CADPS2: variants seen among roughly 807,000 people sequenced by gnomAD.
CADPS2 encodes calcium-dependent secretion activator 2.
CADPS2 carries 93 observed loss-of-function variants against 172.5 expected under a neutral mutation model. The observed-to-expected ratio is 0.54, with a 90% CI of 0.46 to 0.64. CADPS2 has a LOEUF of 0.64. Among genes scored for constraint, CADPS2 ranks in the 30% least tolerant of loss-of-function variants. The probability of loss-of-function intolerance (pLI) is 0.00; values close to 1 mark genes in which losing one functional copy is unlikely to be tolerated. For missense variants in CADPS2, 1,420 were observed against 1,565.9 expected (o/e 0.91, Z 1.57); for synonymous variants, 546 against 555.2 (o/e 0.98, Z 0.23).
In CADPS2 at chr7:122,817,867, C is replaced by T. The variant is rs145007541; in HGVS notation, c.339+68132G>A. Reference sequence around the variant, plus strand: ...ACCCCAATCCCTTATTTCCATGCCCCGACCTCTTATCTCTGCGCCCCAATC... The same window carrying T: ...ACCCCAATCCCTTATTTCCATGCCCTGACCTCTTATCTCTGCGCCCCAATC... On this transcript the variant is annotated intron_variant, in intron 1 of 29. Coordinates refer to ENST00000449022, the MANE Select transcript of CADPS2 (RefSeq NM_017954.11). 7.8e-3 allele frequency among the ~76,000 whole-genome samples: 1,185 copies of T among 151,110 alleles called. 8 individuals are homozygous for T. The highest frequency in any genetic ancestry group is 0.013 in the Non-Finnish European group (874 of 67,808).
chr7:122,321,768 C>T (rs2032593938), intron 29 of CADPS2, among the ~76,000 whole-genome samples: 2 of 152,326 alleles, frequency 1.3e-5, no homozygotes, highest in South Asian at 4.1e-4. Flanking sequence ...GCGTGAGCCA[C>T]AGCACTCAGC....
chr7:122,491,265 T>A, intron 10 of CADPS2, 47 bp downstream of exon 10: 2 of 1,188,234 alleles, frequency 1.7e-6, no homozygotes, highest in Non-Finnish European at 2.4e-6. Context: ...TTATAAGAAT[T>A]CCATGCATAC....
chr7:122,387,326 GC>G (rs1350625185), intron 23 of CADPS2, among the ~76,000 whole-genome samples, 153 bp from the exon 24 acceptor site: 3 of 152,028 alleles, frequency 2.0e-5, no homozygotes, highest in Non-Finnish European at 4.4e-5. Flanking sequence ...GGGGTGGGAT[GC>G]TTTTCTTTTC....
At chr7:122,632,514 G>C (rs2076673166) in intron 3 of CADPS2, among the ~76,000 whole-genome samples, 1 of 152,148 alleles carries the variant, frequency 6.6e-6, no homozygotes, top group South Asian at 2.1e-4. Context: ...CTTTTGAGAA[G>C]TGTCTGATCA....
At chr7:122,728,659 G>A (rs923323819) in intron 2 of CADPS2, among the ~76,000 whole-genome samples, 6 of 151,656 alleles carry the variant, frequency 4.0e-5, no homozygotes, top group African/African-American at 1.5e-4. Context: ...GAAGTACAAC[G>A]GAAGAAATTA....
At chr7:122,482,611 G>C (rs187503546) in intron 11 of CADPS2, among the ~76,000 whole-genome samples, 1 of 152,128 alleles carries the variant, frequency 6.6e-6, no homozygotes, top group Non-Finnish European at 1.5e-5. Flanking sequence ...AACGCTGCAC[G>C]TTGGGCAACG....
At chr7:122,425,076 C>A (rs1563305124) in intron 17 of CADPS2, among the ~76,000 whole-genome samples, 1 of 151,944 alleles carries the variant, frequency 6.6e-6, no homozygotes, top group Admixed American at 6.6e-5. Flanking sequence ...AACCCCCAGG[C>A]CCCAGGCCCA....
At position 122,318,933 on chromosome 7, in the gene CADPS2, A is replaced by AAT. The variant is rs2031832903; in HGVS notation, c.*1230_*1231dup. 1 of 152,226 alleles carries AAT rather than the reference A, an allele frequency of 6.6e-6. No homozygotes were observed. Among genetic ancestry groups the AAT allele is most frequent in the Admixed American group, 6.5e-5 (1 of 15,282 alleles). The allele number at this position is 152,226 out of a possible 1,614,324, so 9.4% of individuals were successfully genotyped here. On this transcript the variant is annotated 3_prime_UTR_variant, in exon 30 of 30. Coordinates refer to ENST00000449022, the MANE Select transcript of CADPS2 (RefSeq NM_017954.11). ...TGCCTTCATTTAAAAATTACTTATT[A>AAT]ATAAATGCAGTAGCACAATCTGCCA...
At chr7:122,640,058 C>T (rs1327693873) in intron 3 of CADPS2, among the ~76,000 whole-genome samples, 1 of 152,174 alleles carries the variant, frequency 6.6e-6, no homozygotes, top group East Asian at 1.9e-4. Context: ...CAGCTCCGTA[C>T]CCCGATCATT....
intron 28 of CADPS2, among the ~76,000 whole-genome samples, chr7:122,332,969 A>C (rs2035245739): frequency 1.3e-5 from 2 of 152,296 alleles, no homozygotes; most frequent in Admixed American, 6.5e-5. Context: ...GGAAAGTGAA[A>C]ATTTCAGACA....
At chr7:122,838,449 A>C (rs957189959) in intron 1 of CADPS2, among the ~76,000 whole-genome samples, 4 of 152,198 alleles carry the variant, frequency 2.6e-5, no homozygotes, top group Non-Finnish European at 5.9e-5. Flanking sequence ...CAGGAGGAAG[A>C]AAGAAAGGGT....
chr7:122,350,203 T>C (rs2038335012), intron 27 of CADPS2, among the ~76,000 whole-genome samples: 2 of 152,154 alleles, frequency 1.3e-5, no homozygotes, highest in Non-Finnish European at 2.9e-5. Context: ...AAAAGGATCA[T>C]GTAAGATATA....
chr7:122,633,424 G>A (rs922682823), intron 3 of CADPS2, among the ~76,000 whole-genome samples: 7 of 152,082 alleles, frequency 4.6e-5, no homozygotes, highest in African/African-American at 1.7e-4. Flanking sequence ...TTGGTTAGAT[G>A]TATTCCTGGG....
At chr7:122,744,325 T>A (rs1448765564) in intron 1 of CADPS2, among the ~76,000 whole-genome samples, 1 of 152,176 alleles carries the variant, frequency 6.6e-6, no homozygotes, top group Non-Finnish European at 1.5e-5. Context: ...TTCCTTGACA[T>A]GAGAGAGAAA....
At chr7:122,396,385 A>G (rs1320323337) in intron 20 of CADPS2, among the ~76,000 whole-genome samples, 3 of 152,144 alleles carry the variant, frequency 2.0e-5, no homozygotes, top group Non-Finnish European at 2.9e-5. Flanking sequence ...TGATTAATGC[A>G]ATAATAACCT....
At chr7:122,374,250 C>T (rs573497882) in intron 25 of CADPS2, among the ~76,000 whole-genome samples, 145 of 152,138 alleles carry the variant, frequency 9.5e-4, no homozygotes, top group Non-Finnish European at 5.9e-4. Flanking sequence ...ATGAAATTAT[C>T]TCGACATAAT....
intron 1 of CADPS2, among the ~76,000 whole-genome samples, chr7:122,833,749 T>C (rs1326796629): frequency 2.6e-5 from 4 of 152,120 alleles, no homozygotes; most frequent in African/African-American, 9.7e-5. Context: ...TAACAAAATA[T>C]TCTTAAAAGG....
At chr7:122,780,591 T>C (rs1227621114) in intron 1 of CADPS2, among the ~76,000 whole-genome samples, 5 of 152,098 alleles carry the variant, frequency 3.3e-5, no homozygotes, top group African/African-American at 1.2e-4. Context: ...CTATCTAGAG[T>C]GCAGCCTCAA....
chr7:122,385,196 G>C (rs886825677), intron 24 of CADPS2, among the ~76,000 whole-genome samples: 4 of 152,022 alleles, frequency 2.6e-5, no homozygotes, highest in African/African-American at 9.7e-5. Context: ...AATAAATCAT[G>C]TTGTAAGTGA....
Sources: allele counts gnomAD v4.1 joint callset (sites outside exome capture counted in the v4.1 genomes callset), GRCh38; gene constraint gnomAD v4.1.1; transcripts MANE v1.5; gene names NCBI Gene and HGNC (gene_info 2026-07-23, HGNC 2026-07-21).